Variants in CPXM2 observed in about 807,000 individuals in gnomAD.
CPXM2 encodes the protein inactive carboxypeptidase-like protein X2.
In CPXM2, 66 loss-of-function variants were observed where a neutral mutation model predicts 86.1. The observed-to-expected ratio is 0.77, with a 90% CI of 0.63 to 0.94. The LOEUF (loss-of-function observed/expected upper bound fraction) is 0.94, where lower values mean the gene tolerates loss of function less well. Among genes scored for constraint, CPXM2 ranks in the 40% least tolerant of loss-of-function variants. The pLI is 0.00. For synonymous variants in CPXM2, 388 were observed against 400.2 expected, an observed-to-expected ratio of 0.97 and a Z score of 0.36; for missense variants, 948 against 1,026.3, an observed-to-expected ratio of 0.92 and a Z score of 1.04.
At chr10:123,890,883 TGAGA>T (rs1276484559) in intron 1 of CPXM2, among the ~76,000 whole-genome samples, 5 of 151,968 alleles carry the variant, frequency 3.3e-5, no homozygotes, top group Non-Finnish European at 5.9e-5. Context: ...AGGAGGGAGC[TGAGA>T]AGGGACACGA....
In CPXM2 at chr10:123,862,647, G is replaced by C. The variant is rs773402437; in HGVS notation, c.480C>G (p.Gly160=). The change falls in exon 3 of 14, where the codon GGC becomes GGG. Residue 160 remains glycine, a synonymous_variant. Transcript: ENST00000241305. ...QLHASTVKRY[G]LGAHRGRLNI... ...TGAGTCTCCCTCGATGTGCCCCCAGGCCATAGCGCTTCACCGTGGAGGCAT... is the reference window on the plus strand; with the variant it reads ...TGAGTCTCCCTCGATGTGCCCCCAGCCCATAGCGCTTCACCGTGGAGGCAT... 6.2e-7 allele frequency: 1 copy of C among 1,614,072 alleles called. No homozygotes were observed. Among genetic ancestry groups the C allele is most frequent in the African/African-American group, 1.3e-5 (1 of 74,922 alleles).
intron 4 of CPXM2, among the ~76,000 whole-genome samples, chr10:123,800,384 C>A (rs766179221): frequency 6.6e-6 from 1 of 152,142 alleles, no homozygotes; most frequent in African/African-American, 2.4e-5. Flanking sequence ...TGAGAGTCAC[C>A]AGTTTGAGCC....
In CPXM2 at chr10:123,862,612, A is replaced by G. The variant is rs745553793; in HGVS notation, c.513+2T>C. On this transcript the variant is annotated splice_donor_variant, in intron 3 of 13. Transcript: ENST00000241305. LOFTEE classifies it high-confidence loss of function. Reference sequence around the variant, plus strand: ...AATCCTTCCAACCACAGGGCCAGGTACCTGGATGTTGAGTCTCCCTCGATG... The same window carrying G: ...AATCCTTCCAACCACAGGGCCAGGTGCCTGGATGTTGAGTCTCCCTCGATG... 2.5e-6 allele frequency: 4 copies of G among 1,613,296 alleles called. No individual in the cohort carries two copies. The highest frequency in any genetic ancestry group is 1.7e-4 in the Middle Eastern group (1 of 6,056).
intron 2 of CPXM2, among the ~76,000 whole-genome samples, chr10:123,909,996 C>G (rs1268256089): frequency 6.6e-6 from 1 of 152,234 alleles, no homozygotes; most frequent in Non-Finnish European, 1.5e-5. Context: ...TCACAGCCAC[C>G]TACCTGTACT....
rs545308812 is a variant in CPXM2 at position 123,835,945 on chromosome 10, C to G, written c.653+6404G>C. Among the ~76,000 whole-genome samples, 13 of 152,302 alleles carry G rather than the reference C, an allele frequency of 8.5e-5. No individual in the cohort carries two copies. In the South Asian group the frequency reaches 2.7e-3, roughly 32 times the overall value. On this transcript the variant is annotated intron_variant, in intron 4 of 13. Coordinates refer to ENST00000241305, the MANE Select transcript of CPXM2 (RefSeq NM_198148.3). Reference sequence around the variant, plus strand: ...CTACTGTGAAAATGGGAAACTCAGCCAAAGGAGGTGTTTGGGGAGGCTCGG... The same window carrying G: ...CTACTGTGAAAATGGGAAACTCAGCGAAAGGAGGTGTTTGGGGAGGCTCGG...
At chr10:123,938,451 G>T (rs1191059968) in intron 2 of CPXM2, among the ~76,000 whole-genome samples, 1 of 152,184 alleles carries the variant, frequency 6.6e-6, no homozygotes, top group Admixed American at 6.5e-5. Context: ...GAGCATGTCT[G>T]TTCCCTAAGA....
At chr10:123,899,731 C>T (rs1945365954) in intron 2 of CPXM2, among the ~76,000 whole-genome samples, 1 of 152,144 alleles carries the variant, frequency 6.6e-6, no homozygotes, top group Admixed American at 6.6e-5. Context: ...ACTTGGCTCT[C>T]ATATGGAAAA....
intron 2 of CPXM2, among the ~76,000 whole-genome samples, chr10:123,864,891 C>T (rs1848943919): frequency 6.6e-6 from 1 of 152,214 alleles, no homozygotes. Flanking sequence ...CTGTCACATC[C>T]TCTTGCCAAG....
intron 11 of CPXM2, among the ~76,000 whole-genome samples, chr10:123,759,778 G>A (rs192944335): frequency 1.1e-4 from 16 of 152,302 alleles, no homozygotes; most frequent in African/African-American, 2.9e-4. Context: ...TGCCTTCACC[G>A]TGGAGGAGAA....
upstream of CPXM2, among the ~76,000 whole-genome samples, chr10:123,892,369 A>C (rs1027224006): frequency 1.1e-4 from 16 of 152,254 alleles, no homozygotes; most frequent in Middle Eastern, 3.4e-3. Context: ...GGGTCTTGGG[A>C]AAGACAGTGA....
In CPXM2 at chr10:123,806,235, T is replaced by G. The variant is rs193068137; in HGVS notation, c.654-7036A>C. 3.2e-3 allele frequency among the ~76,000 whole-genome samples: 480 copies of G among 152,294 alleles called. 3 individuals are homozygous for G. The highest frequency in any genetic ancestry group is 0.011 in the African/African-American group (453 of 41,554). On this transcript the variant is annotated intron_variant, in intron 4 of 13. Transcript: ENST00000241305. ...TCATTTCATCATTTTTGAATGATATTTTTGTTGGGAATTCTAGATTGATGT... is the reference window on the plus strand; with the variant it reads ...TCATTTCATCATTTTTGAATGATATGTTTGTTGGGAATTCTAGATTGATGT...
intron 2 of CPXM2, among the ~76,000 whole-genome samples, chr10:123,897,987 T>A (rs1945351705): frequency 6.6e-6 from 1 of 152,144 alleles, no homozygotes. Context: ...GTCCACACAC[T>A]CTATGAGGCC....
At chr10:123,793,380 G>A (rs530707361) in intron 6 of CPXM2, among the ~76,000 whole-genome samples, 14 of 149,322 alleles carry the variant, frequency 9.4e-5, no homozygotes, top group East Asian at 2.0e-4. Context: ...GGAGAATAGC[G>A]TGAACCTGGG....
chr10:123,838,534 A>T (rs900368864), intron 4 of CPXM2, among the ~76,000 whole-genome samples: 1 of 152,188 alleles, frequency 6.6e-6, no homozygotes, highest in Non-Finnish European at 1.5e-5. Flanking sequence ...TATAACTCCA[A>T]CTGCTAATCA....
intron 4 of CPXM2, among the ~76,000 whole-genome samples, chr10:123,832,328 T>C (rs967666982): frequency 2.0e-5 from 3 of 149,624 alleles, no homozygotes; most frequent in African/African-American, 7.4e-5. Context: ...AGACCAGGCC[T>C]GTGGAGGTGT....
At chr10:123,892,950 G>A (rs542916267), upstream of CPXM2, among the ~76,000 whole-genome samples, 43 of 152,256 alleles carry the variant, frequency 2.8e-4, no homozygotes, top group African/African-American at 9.6e-4. Context: ...GCTTCAAATC[G>A]CTTCCCTTCC....
chr10:123,943,388 A>G (rs1945794622), upstream of CPXM2, among the ~76,000 whole-genome samples: 1 of 152,250 alleles, frequency 6.6e-6, no homozygotes. Context: ...GGACACAAAC[A>G]TCAACAGCAA....
chr10:123,933,103 A>G (rs1268371008), intron 2 of CPXM2, among the ~76,000 whole-genome samples: 1 of 152,194 alleles, frequency 6.6e-6, no homozygotes, highest in Non-Finnish European at 1.5e-5. Flanking sequence ...GCTACCTTGA[A>G]TGCGATTTTG....
At position 123,786,980 on chromosome 10, in the gene CPXM2, G is replaced by GA. The variant is rs201734506; in HGVS notation, c.890-6726dup. On this transcript the variant is annotated intron_variant, in intron 6 of 13. Coordinates refer to ENST00000241305, the MANE Select transcript of CPXM2 (RefSeq NM_198148.3). ...TACTAAACCTCCTGAGAACCTCTTT[G>GA]AAAAAAACAGCCACAGATGCTTCTG... is the stretch of plus-strand genomic sequence containing the variant. Among the ~76,000 whole-genome samples, 111 of 152,148 alleles carry GA rather than the reference G, an allele frequency of 7.3e-4. 1 individual carries two copies. The East Asian group carries it at 0.016, about 22-fold the overall frequency.
Sources: allele counts gnomAD v4.1 joint callset (sites outside exome capture counted in the v4.1 genomes callset), GRCh38; gene constraint gnomAD v4.1.1; transcripts MANE v1.5; gene names NCBI Gene and HGNC (gene_info 2026-07-23, HGNC 2026-07-21).